CCDC13: variants seen among roughly 807,000 people sequenced by gnomAD.
CCDC13 encodes coiled-coil domain containing 13.
Under a neutral mutation model 87.3 loss-of-function variants are expected in CCDC13, and 70 were observed. That is an observed-to-expected ratio of 0.80 (90% confidence interval 0.66 to 0.98). CCDC13 has a LOEUF of 0.98. Among genes scored for constraint, CCDC13 ranks in the 50% least tolerant of loss-of-function variants. The pLI is 0.00. For missense variants in CCDC13, 842 were observed against 892.0 expected, an observed-to-expected ratio of 0.94 and a Z score of 0.71; for synonymous variants, 317 against 360.3, an observed-to-expected ratio of 0.88 and a Z score of 1.36.
intron 1 of CCDC13, among the ~76,000 whole-genome samples, chr3:42,758,915 C>T (rs1249266176): frequency 1.3e-5 from 2 of 152,052 alleles, no homozygotes; most frequent in Admixed American, 1.3e-4. Flanking sequence ...ACTTTGTGCC[C>T]CTTCCAGTGA....
chr3:42,736,322 T>C (rs1444483132), intron 9 of CCDC13, among the ~76,000 whole-genome samples: 1 of 152,078 alleles, frequency 6.6e-6, no homozygotes, highest in Non-Finnish European at 1.5e-5. Context: ...TGAAGCCTCA[T>C]CCCAAGGAAA....
At chr3:42,742,342 G>A (rs1699247314) in intron 8 of CCDC13, among the ~76,000 whole-genome samples, 1 of 152,206 alleles carries the variant, frequency 6.6e-6, no homozygotes, top group African/African-American at 2.4e-5. Flanking sequence ...TTGTGGAAGA[G>A]AGTGAAGCCA....
chr3:42,723,457 C>T (rs1394333523), intron 13 of CCDC13, among the ~76,000 whole-genome samples: 1 of 152,200 alleles, frequency 6.6e-6, no homozygotes, highest in Non-Finnish European at 1.5e-5. Flanking sequence ...CTACCATATT[C>T]ACAGGTTCTG....
intron 5 of CCDC13, among the ~76,000 whole-genome samples, chr3:42,747,913 C>G (rs1325211595): frequency 6.6e-6 from 1 of 152,222 alleles, no homozygotes; most frequent in East Asian, 1.9e-4. Flanking sequence ...GAATCGTCAG[C>G]TTGGGCCTTG....
chr3:42,725,649 A>AT, intron 13 of CCDC13, among the ~76,000 whole-genome samples: 1 of 152,272 alleles, frequency 6.6e-6, no homozygotes. Context: ...GGAAGCACCA[A>AT]TCATGTGAAA....
intron 12 of CCDC13, 82 bp downstream of exon 12, chr3:42,732,805 T>C: frequency 7.9e-7 from 1 of 1,265,162 alleles, no homozygotes; most frequent in Admixed American, 2.2e-5. Context: ...CAGTTTCCCC[T>C]CCTTTTAATG....
chr3:42,747,176 A>G, intron 6 of CCDC13, 81 bp downstream of exon 6: 1 of 1,033,194 alleles, frequency 9.7e-7, no homozygotes, highest in Non-Finnish European at 1.5e-6. Context: ...GGCTCCAGAA[A>G]GGAATCCACT....
intron 1 of CCDC13, among the ~76,000 whole-genome samples, chr3:42,765,672 A>G (rs1699914907): frequency 6.6e-6 from 1 of 152,248 alleles, no homozygotes; most frequent in African/African-American, 2.4e-5. Context: ...GGGAGAGAGA[A>G]GCTGCAGGAG....
chr3:42,771,046 A>C (rs899830679), intron 1 of CCDC13: 2 of 152,260 alleles, frequency 1.3e-5, no homozygotes, highest in African/African-American at 4.8e-5. Flanking sequence ...TAATTACCAA[A>C]AATGAGAAAA....
At position 42,757,090 on chromosome 3, in the gene CCDC13, C is replaced by T. The variant is rs1213951987; in HGVS notation, c.346G>A (p.Glu116Lys). The stretch of plus-strand genomic sequence containing the variant: ...CCTGTGAAGGCAAATCTGTCCTCTT[C>T]TATTTTCTTTTTGAGGTGTTTGATT... Reference protein sequence around the residue: ...FEIKHLKKKIEEDRFAFTGTA... With the variant: ...FEIKHLKKKIKEDRFAFTGTA... Residue 116 changes from glutamate to lysine, a missense_variant, in exon 3 of 16, where the codon GAA becomes AAA. Transcript: ENST00000310232. 5 of 1,614,066 alleles carry T rather than the reference C, an allele frequency of 3.1e-6. No individual in the cohort carries two copies. Among genetic ancestry groups the T allele is most frequent in the Non-Finnish European group, 4.2e-6 (5 of 1,180,020 alleles).
chr3:42,717,349 C>T (rs1698455249), intron 13 of CCDC13, among the ~76,000 whole-genome samples: 1 of 150,790 alleles, frequency 6.6e-6, no homozygotes, highest in African/African-American at 2.4e-5. Context: ...TTGCTTGAAT[C>T]CGGGAGGCAG....
intron 9 of CCDC13, among the ~76,000 whole-genome samples, chr3:42,738,882 C>G (rs996153336): frequency 6.6e-6 from 1 of 152,170 alleles, no homozygotes; most frequent in Non-Finnish European, 1.5e-5. Context: ...TCCTCATTTC[C>G]TATTTGAATA....
chr3:42,738,808 G>A (rs564043121), intron 9 of CCDC13, among the ~76,000 whole-genome samples: 9 of 152,212 alleles, frequency 5.9e-5, no homozygotes, highest in African/African-American at 1.9e-4. Flanking sequence ...GGAGATTTTG[G>A]GCTGAGATGA....
intron 13 of CCDC13, among the ~76,000 whole-genome samples, chr3:42,724,526 A>T (rs1226872105): frequency 6.6e-6 from 1 of 152,070 alleles, no homozygotes; most frequent in Non-Finnish European, 1.5e-5. Context: ...CTTTTGACCA[A>T]TCTCTGGTCT....
chr3:42,735,063 G>GT (rs1698961241), intron 10 of CCDC13, among the ~76,000 whole-genome samples: 1 of 152,222 alleles, frequency 6.6e-6, no homozygotes, highest in South Asian at 2.1e-4. Context: ...TGCATAGGGA[G>GT]TTAGGAGAGT....
chr3:42,764,855 T>A (rs1042917365), intron 1 of CCDC13, among the ~76,000 whole-genome samples: 1 of 152,226 alleles, frequency 6.6e-6, no homozygotes, highest in Non-Finnish European at 1.5e-5. Flanking sequence ...CAGTGTATTA[T>A]AATTATCTAT....
chr3:42,735,805 G>C lies in CCDC13; in HGVS notation c.1273C>G (p.Arg425Gly). The C allele has an allele frequency of 6.2e-7, 1 of 1,614,194 alleles. No individual in the cohort carries two copies. Among genetic ancestry groups the C allele is most frequent in the Non-Finnish European group, 8.5e-7 (1 of 1,180,036 alleles). ...AGCTGGGCGACTAGGCTGTTGCTCCGCTGAGCCTCGCTGTTCAGTTGCTGG... is the reference window on the plus strand; with the variant it reads ...AGCTGGGCGACTAGGCTGTTGCTCCCCTGAGCCTCGCTGTTCAGTTGCTGG... ...LDQQLNSEAQRSNSLVAQLQA... is the reference protein window; with the variant it reads ...LDQQLNSEAQGSNSLVAQLQA... Residue 425 changes from arginine (R) to glycine (G), a missense_variant, in exon 10 of 16, where the codon CGG becomes GGG. Transcript: ENST00000310232.
chr3:42,732,874 C>G lies in CCDC13; in HGVS notation c.1595+13G>C. On this transcript the variant is annotated intron_variant, in intron 12 of 15. Transcript: ENST00000310232. The stretch of plus-strand genomic sequence containing the variant: ...GAAAAAACTGTGAGAGTCCGGGGGT[C>G]GGGGGTCCATACCTAGGTGAGGTCC... 1 of 1,549,576 alleles carries G rather than the reference C, an allele frequency of 6.5e-7. No homozygotes were observed. The highest frequency in any genetic ancestry group is 1.7e-4 in the Middle Eastern group (1 of 5,982).
chr3:42,711,489 G>C (rs1257829181), intron 14 of CCDC13, among the ~76,000 whole-genome samples: 5 of 152,104 alleles, frequency 3.3e-5, no homozygotes, highest in Admixed American at 3.3e-4. Context: ...CTAGAGCTTT[G>C]GCAGCCTCAG....
Sources: gnomAD v4.1 joint callset for allele counts (sites outside exome capture counted in the v4.1 genomes callset) on GRCh38, gnomAD v4.1.1 for gene constraint, MANE v1.5 for transcripts, NCBI Gene and HGNC (gene_info 2026-07-23, HGNC 2026-07-21) for gene names.